PPM1L: variants seen among roughly 807,000 people sequenced by gnomAD.
The protein encoded by PPM1L is protein phosphatase, Mg2+/Mn2+ dependent 1L.
In PPM1L, 13 loss-of-function variants were observed where a neutral mutation model predicts 31.4. The observed-to-expected ratio is 0.41, with a 90% confidence interval of 0.27 to 0.66. The LOEUF (loss-of-function observed/expected upper bound fraction) is 0.66. Ranked by LOEUF, PPM1L falls within the 30% of genes least tolerant of loss-of-function variation. PPM1L has a pLI of 0.29. For synonymous variants in PPM1L, 184 were observed against 175.4 expected, an observed-to-expected ratio of 1.05 and a Z score of -0.39; for missense variants, 326 against 453.7, an observed-to-expected ratio of 0.72 and a Z score of 2.56.
At chr3:160,781,028 T>A (rs1348278985) in intron 1 of PPM1L, among the ~76,000 whole-genome samples, 2 of 152,218 alleles carry the variant, frequency 1.3e-5, no homozygotes. Flanking sequence ...ATTTAGCAAC[T>A]CTGTTTCCCT....
intron 2 of PPM1L, among the ~76,000 whole-genome samples, chr3:160,972,770 G>A (rs1486530172): frequency 2.0e-5 from 3 of 152,008 alleles, no homozygotes; most frequent in South Asian, 2.1e-4. Flanking sequence ...CTGAGGAATC[G>A]CCACACTGAC....
intron 1 of PPM1L, among the ~76,000 whole-genome samples, chr3:160,911,133 AT>A (rs945197919): frequency 6.6e-6 from 1 of 152,120 alleles, no homozygotes. Flanking sequence ...TTTCATTGGT[AT>A]TTTCCTACCG....
At chr3:160,819,448 A>G (rs1713124961) in intron 1 of PPM1L, among the ~76,000 whole-genome samples, 1 of 152,014 alleles carries the variant, frequency 6.6e-6, no homozygotes, top group South Asian at 2.1e-4. Context: ...AGCCTGCACT[A>G]CAGATACAAT....
At chr3:161,036,803 C>T (rs1406376747) in intron 2 of PPM1L, among the ~76,000 whole-genome samples, 1 of 152,188 alleles carries the variant, frequency 6.6e-6, no homozygotes, top group Admixed American at 6.5e-5. Flanking sequence ...GAGCAGAGAT[C>T]CTTGATTTTA....
At chr3:160,823,954 G>A (rs1228655465) in intron 1 of PPM1L, among the ~76,000 whole-genome samples, 1 of 152,086 alleles carries the variant, frequency 6.6e-6, no homozygotes, top group African/African-American at 2.4e-5. Flanking sequence ...ATCAAGAGAC[G>A]GGAAGGACTC....
intron 1 of PPM1L, among the ~76,000 whole-genome samples, chr3:160,824,238 G>T (rs2108092925): frequency 6.6e-6 from 1 of 152,118 alleles, no homozygotes; most frequent in African/African-American, 2.4e-5. Context: ...ATAGAATGAG[G>T]AATAGGCAGT....
At chr3:160,758,112 A>G (rs750053687) in intron 1 of PPM1L, among the ~76,000 whole-genome samples, 3 of 152,064 alleles carry the variant, frequency 2.0e-5, no homozygotes, top group Non-Finnish European at 4.4e-5. Context: ...AGCTTTTTTT[A>G]TATTGTTTTT....
intron 1 of PPM1L, among the ~76,000 whole-genome samples, chr3:160,861,138 TA>T (rs1256373484): frequency 6.6e-6 from 1 of 152,182 alleles, no homozygotes; most frequent in African/African-American, 2.4e-5. Flanking sequence ...CAGCTGGGAA[TA>T]AAACCTTTAT....
At chr3:160,824,633 A>C (rs1473204549) in intron 1 of PPM1L, among the ~76,000 whole-genome samples, 6 of 152,116 alleles carry the variant, frequency 3.9e-5, no homozygotes, top group African/African-American at 7.2e-5. Flanking sequence ...ATACGGATGG[A>C]TCACCATACC....
chr3:160,833,957 G>A (rs1380953908), intron 1 of PPM1L, among the ~76,000 whole-genome samples: 5 of 150,754 alleles, frequency 3.3e-5, no homozygotes, highest in South Asian at 2.1e-4. Context: ...TGTATAAGGT[G>A]TAAGGAAGGG....
intron 1 of PPM1L, among the ~76,000 whole-genome samples, chr3:160,873,739 G>A (rs1712401525): frequency 6.6e-6 from 1 of 151,932 alleles, no homozygotes; most frequent in South Asian, 2.1e-4. Flanking sequence ...TAGAGAGAGG[G>A]TTTCACCATG....
intron 1 of PPM1L, among the ~76,000 whole-genome samples, chr3:160,864,848 G>A (rs904217661): frequency 7.2e-5 from 11 of 152,144 alleles, no homozygotes; most frequent in Admixed American, 4.6e-4. Flanking sequence ...ACATTTCTGG[G>A]TGAAGTGTTA....
chr3:160,765,700 C>T (rs547288989), intron 1 of PPM1L, among the ~76,000 whole-genome samples: 38 of 152,114 alleles, frequency 2.5e-4, no homozygotes, highest in Non-Finnish European at 2.9e-5. Flanking sequence ...TAACCAGTCA[C>T]AATAAACAAA....
intron 2 of PPM1L, among the ~76,000 whole-genome samples, chr3:160,984,826 A>G (rs555318215): frequency 6.6e-6 from 1 of 152,328 alleles, no homozygotes; most frequent in East Asian, 1.9e-4. Flanking sequence ...GTTCTCTACC[A>G]GAGGCGATAT....
intron 1 of PPM1L, among the ~76,000 whole-genome samples, chr3:160,908,727 G>A (rs960962662): frequency 1.1e-4 from 17 of 152,150 alleles, no homozygotes; most frequent in African/African-American, 4.1e-4. Context: ...GGGTATTTAA[G>A]TGCATAAACA....
rs1222274392 is a variant in PPM1L, at chr3:161,076,872, T to C, written c.*7715T>C. The C allele has an allele frequency of 2.6e-5, 4 of 152,248 alleles. No homozygotes were observed. 9.4% of individuals were successfully genotyped at this position (152,248 alleles called of 1,614,324 possible). A position where few individuals can be genotyped will look rare whatever the true frequency, so the allele number is the denominator to read the frequency against. Reference sequence around the variant, plus strand: ...TATGAGTTTTTTTCTTAAAAATAAATAGAAGCATCATTGCATTTATAACAG... The same window carrying C: ...TATGAGTTTTTTTCTTAAAAATAAACAGAAGCATCATTGCATTTATAACAG... On this transcript the variant is annotated 3_prime_UTR_variant, in exon 4 of 4. Coordinates refer to ENST00000498165, the MANE Select transcript of PPM1L (RefSeq NM_139245.4).
intron 2 of PPM1L, among the ~76,000 whole-genome samples, chr3:161,010,248 C>A (rs1717847548): frequency 6.6e-6 from 1 of 151,992 alleles, no homozygotes; most frequent in South Asian, 2.1e-4. Flanking sequence ...TGAGAACATG[C>A]AGTGTTTGGT....
At chr3:160,914,605 C>T (rs1714092470) in intron 1 of PPM1L, among the ~76,000 whole-genome samples, 1 of 152,102 alleles carries the variant, frequency 6.6e-6, no homozygotes, top group South Asian at 2.1e-4. Context: ...TGTGTCCCTA[C>T]AAAGGACATG....
intron 1 of PPM1L, among the ~76,000 whole-genome samples, chr3:160,883,881 C>CAAA (rs36011243): frequency 3.9e-4 from 41 of 106,310 alleles, no homozygotes; most frequent in African/African-American, 1.0e-3. Context: ...CTTGTCTCTA[C>CAAA]AAAAAAAAAA....
Sources: allele counts gnomAD v4.1 joint callset (sites outside exome capture counted in the v4.1 genomes callset), GRCh38; gene constraint gnomAD v4.1.1; transcripts MANE v1.5; gene names NCBI Gene and HGNC (gene_info 2026-07-23, HGNC 2026-07-21).